SACS: variants seen among roughly 807,000 people sequenced by gnomAD.
The protein encoded by SACS is sacsin molecular chaperone.
In SACS, 197 loss-of-function variants were observed where a neutral mutation model predicts 348.0. The observed-to-expected ratio is 0.57, with a 90% confidence interval of 0.50 to 0.64. The LOEUF (loss-of-function observed/expected upper bound fraction) is 0.64, where lower values mean the gene tolerates loss of function less well. Ranked by LOEUF, SACS falls within the 30% of genes least tolerant of loss-of-function variation. The pLI, the probability that SACS is intolerant of heterozygous loss-of-function variation, is 0.00. For synonymous variants in SACS, 1,985 were observed against 1,910.6 expected (o/e 1.04, Z -1.02); for missense variants, 4,999 against 5,360.8 (o/e 0.93, Z 2.11).
chr13:23,344,178 C>CA (rs141033797), intron 9 of SACS, among the ~76,000 whole-genome samples: 34,627 of 151,624 alleles, frequency 0.23, 4,635 homozygotes, highest in South Asian at 0.35. Flanking sequence ...ACTAGAGATA[C>CA]AAAAAAAGGG....
chr13:23,366,369 A>G (rs926683676), intron 5 of SACS, among the ~76,000 whole-genome samples: 1 of 152,216 alleles, frequency 6.6e-6, no homozygotes, highest in Admixed American at 6.5e-5. Context: ...CACCCCAAAC[A>G]TGAACAGCTA....
Position 23,329,928 on chromosome 13 carries a change from TCAC to T in SACS, c.*205_*207del. 1.7e-6 allele frequency: 1 copy of T among 585,674 alleles called. No individual in the cohort carries two copies. The highest frequency in any genetic ancestry group is 2.0e-5 in the South Asian group (1 of 49,390). 36.3% of individuals were successfully genotyped at this position (585,674 alleles called of 1,614,324 possible). ...CAAATCCATCCAGCTATTTTGCAGC[TCAC>T]CACCATCTTCAAAATAGTTTTCTTT... is the stretch of plus-strand genomic sequence containing the variant. On this transcript the variant is annotated 3_prime_UTR_variant, in exon 10 of 10. Transcript: ENST00000382292.
intron 2 of SACS, among the ~76,000 whole-genome samples, chr13:23,403,234 A>G (rs1873060320): frequency 6.6e-6 from 1 of 152,020 alleles, no homozygotes; most frequent in Non-Finnish European, 1.5e-5. Flanking sequence ...CAAAAAACTC[A>G]CGTCTCTGCC....
chr13:23,421,509 T>G (rs1873938298), intron 1 of SACS, among the ~76,000 whole-genome samples: 1 of 152,096 alleles, frequency 6.6e-6, no homozygotes, highest in South Asian at 2.1e-4. Context: ...CCAGGCCTGT[T>G]GCCTACATAG....
chr13:23,365,092 C>A, intron 6 of SACS, 74 bp downstream of exon 6: 1 of 946,930 alleles, frequency 1.1e-6, no homozygotes, highest in Non-Finnish European at 1.7e-6. Flanking sequence ...GTTCATTAAA[C>A]AAAGCATTAT....
intron 6 of SACS, 79 bp downstream of exon 6, chr13:23,365,087 T>C (rs1358163994): frequency 1.2e-5 from 11 of 925,148 alleles, no homozygotes; most frequent in South Asian, 8.7e-5. Context: ...AGACTGTTCA[T>C]TAAACAAAGC....
Position 23,335,206 on chromosome 13 carries a change from A to C in SACS, c.8670T>G (p.Asp2890Glu). Residue 2890 changes from aspartate (D) to glutamate (E), a missense_variant, in exon 10 of 10, where the codon GAT (aspartate) becomes GAG (glutamate). Coordinates refer to ENST00000382292, the MANE Select transcript of SACS (RefSeq NM_014363.6). The surrounding 1 kb of genome is among the most constrained non-coding windows in gnomAD (Gnocchi z 4.7). ...CACGCCACAGGTTCCTTCTGGCTGA[A>C]TCCAGTGCAAAGTGGCCATTCACAT... ...PFHVNGHFAL[D>E]SARRNLWRDD... The C allele has an allele frequency of 6.2e-7, 1 of 1,613,936 alleles. No homozygotes were observed. Among genetic ancestry groups the C allele is most frequent in the Non-Finnish European group, 8.5e-7 (1 of 1,179,896 alleles).
At chr13:23,427,108 A>T (rs564557668) in intron 1 of SACS, 1 of 152,300 alleles carries the variant, frequency 6.6e-6, no homozygotes, top group East Asian at 1.9e-4. Context: ...AAACAGGGCC[A>T]GCTTGCCTTA....
chr13:23,397,796 G>A (rs1200562459), intron 2 of SACS, among the ~76,000 whole-genome samples: 1 of 152,196 alleles, frequency 6.6e-6, no homozygotes, highest in Non-Finnish European at 1.5e-5. Flanking sequence ...AGTGACCATG[G>A]CCCATACACA....
At chr13:23,402,058 G>A (rs149063024) in intron 2 of SACS, among the ~76,000 whole-genome samples, 310 of 152,132 alleles carry the variant, frequency 2.0e-3, no homozygotes, top group African/African-American at 7.1e-3. Flanking sequence ...AGTGCCTGTA[G>A]TCCCAGCTAC....
chr13:23,344,686 A>G (rs1366946726), intron 9 of SACS, among the ~76,000 whole-genome samples: 1 of 152,204 alleles, frequency 6.6e-6, no homozygotes, highest in Non-Finnish European at 1.5e-5. Flanking sequence ...TAATAAATGA[A>G]ATGGTTTTTG....
At chr13:23,386,682 G>A (rs1449158369) in intron 2 of SACS, among the ~76,000 whole-genome samples, 1 of 152,178 alleles carries the variant, frequency 6.6e-6, no homozygotes, top group Admixed American at 6.5e-5. Flanking sequence ...GTCACAAGAG[G>A]CCTGGCTTTC....
At chr13:23,348,094 T>C (rs1869729468) in intron 9 of SACS, among the ~76,000 whole-genome samples, 1 of 152,228 alleles carries the variant, frequency 6.6e-6, no homozygotes, top group Admixed American at 6.5e-5. Flanking sequence ...CCAAAATCCA[T>C]TTACCTGCTC....
At chr13:23,374,527 CTCCCTT>C (rs1317051557) in intron 3 of SACS, among the ~76,000 whole-genome samples, 13 of 152,340 alleles carry the variant, frequency 8.5e-5, no homozygotes, top group Admixed American at 7.8e-4. Flanking sequence ...CAACTGAACT[CTCCCTT>C]TAAGAAAGCT....
intron 2 of SACS, among the ~76,000 whole-genome samples, chr13:23,403,291 A>G (rs982096861): frequency 6.6e-6 from 1 of 152,094 alleles, no homozygotes; most frequent in Non-Finnish European, 1.5e-5. Flanking sequence ...TGAGTTAGGG[A>G]GGAGTCCCTC....
At chr13:23,354,482 TA>T in intron 8 of SACS, 36 bp downstream of exon 8, 1 of 1,583,442 alleles carries the variant, frequency 6.3e-7, no homozygotes, top group Non-Finnish European at 8.7e-7. Flanking sequence ...AGGGGAACCC[TA>T]AGAGTGAACA....
chr13:23,401,279 GA>G lies in SACS; in HGVS notation c.20+9940del, dbSNP rs143124926. ...ATTCAAAGTCACTCCTCTGCTCTCT[GA>G]GATAGATGCATATCTGATTTGCCTC... On this transcript the variant is annotated intron_variant, in intron 2 of 9. Coordinates refer to ENST00000382292, the MANE Select transcript of SACS (RefSeq NM_014363.6). Among the ~76,000 whole-genome samples, 738 of 152,292 alleles carry G rather than the reference GA, an allele frequency of 4.8e-3. 9 individuals are homozygous for G. Among genetic ancestry groups the G allele is most frequent in the African/African-American group, 0.017 (689 of 41,550 alleles).
At position 23,335,299 on chromosome 13, in the gene SACS, G is replaced by T; in HGVS notation, c.8577C>A (p.His2859Gln). 6.2e-7 allele frequency: 1 copy of T among 1,613,934 alleles called. No individual in the cohort carries two copies. The highest frequency in any genetic ancestry group is 8.5e-7 in the Non-Finnish European group (1 of 1,179,880). ...PRGGVAACIT[H>Q]NYKKPHRAFC... ...AGGCCCTATGGGGTTTTTTATAGTT[G>T]TGAGTAATGCAGGCAGCTACTCCAC... The change falls in exon 10 of 10, where the codon CAC becomes CAA. Residue 2859 changes from histidine (H) to glutamine (Q), a missense_variant. Physicochemically the swap from His to Gln is conservative, Grantham distance 24. Transcript: ENST00000382292. The surrounding 1 kb of genome is among the most constrained non-coding windows in gnomAD (Gnocchi z 4.7).
intron 3 of SACS, chr13:23,373,403 G>A (rs1175401082): frequency 1.3e-5 from 2 of 152,580 alleles, no homozygotes; most frequent in Admixed American, 1.3e-4. Flanking sequence ...CTCTGTCTCA[G>A]CGGTTGTAGA....
Sources: allele counts gnomAD v4.1 joint callset (sites outside exome capture counted in the v4.1 genomes callset), GRCh38; gene constraint gnomAD v4.1.1; non-coding constraint Gnocchi (gnomAD v3.1); transcripts MANE v1.5; gene names NCBI Gene and HGNC (gene_info 2026-07-23, HGNC 2026-07-21).